NKAIN3: variants seen among roughly 807,000 people sequenced by gnomAD.
NKAIN3 encodes the protein sodium/potassium transporting ATPase interacting 3.
Under a neutral mutation model 30.2 loss-of-function variants are expected in NKAIN3, and 25 were observed. The observed-to-expected ratio is 0.83, with a 90% CI of 0.60 to 1.16. The LOEUF is 1.16. NKAIN3 is among the 50% of genes most tolerant of loss of function. The probability of loss-of-function intolerance (pLI) is 0.00; values close to 1 mark genes in which losing one functional copy is unlikely to be tolerated. For missense variants in NKAIN3, 225 were observed against 254.1 expected (o/e 0.89, Z 0.78); for synonymous variants, 91 against 89.6 (o/e 1.02, Z -0.09).
intron 3 of NKAIN3, among the ~76,000 whole-genome samples, chr8:62,675,634 C>A (rs950438912): frequency 7.2e-5 from 11 of 152,170 alleles, no homozygotes; most frequent in Non-Finnish European, 1.5e-4. Context: ...AGGAAGAACA[C>A]CTGAACCAGC....
chr8:62,374,928 C>T (rs11774856), intron 1 of NKAIN3, among the ~76,000 whole-genome samples: 90,594 of 152,078 alleles, frequency 0.6, 28,322 homozygotes, highest in East Asian at 0.68. Flanking sequence ...CTGCACAACT[C>T]TGTGGCAACA....
At chr8:62,420,357 G>T (rs1317561105) in intron 1 of NKAIN3, among the ~76,000 whole-genome samples, 1 of 152,084 alleles carries the variant, frequency 6.6e-6, no homozygotes, top group Non-Finnish European at 1.5e-5. Flanking sequence ...AACTTAAAGG[G>T]TGATTCCAAT....
chr8:62,415,702 T>A (rs1462830986), intron 1 of NKAIN3, among the ~76,000 whole-genome samples: 1 of 151,212 alleles, frequency 6.6e-6, no homozygotes, highest in Non-Finnish European at 1.5e-5. Flanking sequence ...AGAAACTACT[T>A]CTTCCTTTTG....
At chr8:62,439,750 T>G (rs1805270452) in intron 1 of NKAIN3, among the ~76,000 whole-genome samples, 1 of 152,234 alleles carries the variant, frequency 6.6e-6, no homozygotes, top group African/African-American at 2.4e-5. Flanking sequence ...TTAATTTGCA[T>G]AGAACAACCA....
intron 4 of NKAIN3, among the ~76,000 whole-genome samples, chr8:62,913,903 A>G (rs1821999776): frequency 6.6e-6 from 1 of 152,236 alleles, no homozygotes; most frequent in Non-Finnish European, 1.5e-5. Flanking sequence ...TGGGAGAGTA[A>G]ATTAGGTCAA....
At chr8:62,933,715 C>T (rs1822691779) in intron 5 of NKAIN3, among the ~76,000 whole-genome samples, 1 of 152,138 alleles carries the variant, frequency 6.6e-6, no homozygotes, top group African/African-American at 2.4e-5. Context: ...GATCTGGACT[C>T]ACAGTGGGAG....
intron 1 of NKAIN3, among the ~76,000 whole-genome samples, chr8:62,256,859 G>T (rs1232413569): frequency 6.6e-6 from 1 of 152,150 alleles, no homozygotes; most frequent in Non-Finnish European, 1.5e-5. Flanking sequence ...TGAAGTAAAT[G>T]GTTTCAACAT....
chr8:62,642,160 C>A (rs899680040), intron 3 of NKAIN3, among the ~76,000 whole-genome samples: 1 of 152,046 alleles, frequency 6.6e-6, no homozygotes, highest in African/African-American at 2.4e-5. Context: ...TGCTCCTACA[C>A]CCATCTGTTC....
intron 4 of NKAIN3, among the ~76,000 whole-genome samples, chr8:62,776,173 T>C (rs372820226): frequency 2.6e-5 from 4 of 152,124 alleles, no homozygotes; most frequent in African/African-American, 9.6e-5. Context: ...TGAAGTGTGT[T>C]TCTTCTAGGG....
At chr8:62,664,160 C>T (rs1430100832) in intron 3 of NKAIN3, among the ~76,000 whole-genome samples, 2 of 151,954 alleles carry the variant, frequency 1.3e-5, no homozygotes, top group Non-Finnish European at 2.9e-5. Flanking sequence ...TTTCACCTCT[C>T]ACTTCTGAAT....
intron 1 of NKAIN3, among the ~76,000 whole-genome samples, chr8:62,403,217 A>G (rs1181361940): frequency 6.6e-6 from 1 of 152,234 alleles, no homozygotes; most frequent in Non-Finnish European, 1.5e-5. Flanking sequence ...CTAAGCAGCA[A>G]AACATTCAAG....
At chr8:62,471,720 C>T (rs1806355090) in intron 1 of NKAIN3, among the ~76,000 whole-genome samples, 2 of 151,948 alleles carry the variant, frequency 1.3e-5, no homozygotes, top group African/African-American at 2.4e-5. Context: ...TTGGGGAGGC[C>T]AAGGAGGGAG....
At chr8:62,341,074 C>G (rs754997882) in intron 1 of NKAIN3, among the ~76,000 whole-genome samples, 8 of 152,038 alleles carry the variant, frequency 5.3e-5, no homozygotes, top group Non-Finnish European at 1.2e-4. Context: ...CACTCAGCTA[C>G]AGCAAGTGTT....
chr8:62,296,765 C>A (rs537545895), intron 1 of NKAIN3, among the ~76,000 whole-genome samples: 5 of 152,188 alleles, frequency 3.3e-5, no homozygotes, highest in African/African-American at 9.6e-5. Flanking sequence ...TATCTCTAGC[C>A]CAGACTTTCT....
chr8:62,537,084 C>G (rs946317220), intron 1 of NKAIN3, among the ~76,000 whole-genome samples: 5 of 152,140 alleles, frequency 3.3e-5, no homozygotes, highest in African/African-American at 1.2e-4. Context: ...CAACCAGTTA[C>G]CTTATGTCTT....
rs1259406788 is a variant in NKAIN3, at chr8:62,279,777, C to G, written c.54+30650C>G. Among the ~76,000 whole-genome samples, 11 of 152,266 alleles carry G rather than the reference C, an allele frequency of 7.2e-5. No homozygotes were observed. In the East Asian group the frequency reaches 1.9e-3, roughly 27 times the overall value. The stretch of plus-strand genomic sequence containing the variant: ...TACCATGCTGTTTTGGTTACTGTAG[C>G]CTTGTAGTATAGTTTGAAGTCAGGT... On this transcript the variant is annotated intron_variant, in intron 1 of 6. Transcript: ENST00000623646.
chr8:62,945,515 T>A (rs1478959122), intron 5 of NKAIN3, among the ~76,000 whole-genome samples: 6 of 152,188 alleles, frequency 3.9e-5, no homozygotes, highest in Admixed American at 3.3e-4. Flanking sequence ...AGGTTCCAGA[T>A]GGCTGAGATA....
At chr8:62,463,640 G>C (rs1806064746) in intron 1 of NKAIN3, among the ~76,000 whole-genome samples, 1 of 151,940 alleles carries the variant, frequency 6.6e-6, no homozygotes, top group South Asian at 2.1e-4. Context: ...TTTTTCTTTT[G>C]CTTTGTGTGT....
intron 1 of NKAIN3, among the ~76,000 whole-genome samples, chr8:62,434,028 G>A (rs989656568): frequency 3.9e-5 from 6 of 152,052 alleles, no homozygotes; most frequent in East Asian, 1.9e-4. Context: ...CAGATAAACC[G>A]TTTGTCCTCA....
Sources: gnomAD v4.1 joint callset for allele counts (sites outside exome capture counted in the v4.1 genomes callset) on GRCh38, gnomAD v4.1.1 for gene constraint, MANE v1.5 for transcripts, NCBI Gene and HGNC (gene_info 2026-07-23, HGNC 2026-07-21) for gene names.